The following MSI2 variants were observed in gnomAD, a reference collection of about 807,000 sequenced individuals.
The protein encoded by MSI2 is musashi RNA binding protein 2, also known as RNA-binding protein Musashi homolog 2.
Under a neutral mutation model 45.6 loss-of-function variants are expected in MSI2, and 17 were observed. The observed-to-expected ratio is 0.37, with a 90% CI of 0.26 to 0.56. MSI2 has a LOEUF of 0.56. Among genes scored for constraint, MSI2 ranks in the 20% least tolerant of loss-of-function variants. The pLI, the probability that MSI2 is intolerant of heterozygous loss-of-function variation, is 0.77. For missense variants in MSI2, 293 were observed against 444.2 expected, an observed-to-expected ratio of 0.66 and a Z score of 3.06; for synonymous variants, 156 against 158.2, an observed-to-expected ratio of 0.99 and a Z score of 0.11.
At chr17:57,622,394 A>G (rs1371053449) in intron 9 of MSI2, among the ~76,000 whole-genome samples, 1 of 152,254 alleles carries the variant, frequency 6.6e-6, no homozygotes, top group Admixed American at 6.5e-5. Flanking sequence ...TCTCTGCCAC[A>G]TAATCCCACT....
chr17:57,455,494 G>A (rs1271667025), intron 6 of MSI2, among the ~76,000 whole-genome samples: 3 of 152,282 alleles, frequency 2.0e-5, no homozygotes, highest in Non-Finnish European at 2.9e-5. Flanking sequence ...CTTGTCCACC[G>A]CTGGTTCCTA....
intron 6 of MSI2, among the ~76,000 whole-genome samples, chr17:57,422,538 A>G (rs894513186): frequency 3.2e-4 from 48 of 152,204 alleles, no homozygotes; most frequent in African/African-American, 1.1e-3. Context: ...GGTGAGGAAA[A>G]TGAGGGTCCG....
chr17:57,675,435 G>A (rs1913157276), intron 12 of MSI2, among the ~76,000 whole-genome samples: 2 of 152,202 alleles, frequency 1.3e-5, no homozygotes, highest in Admixed American at 1.3e-4. Flanking sequence ...TTCCCTGGCT[G>A]CAAAACCAGA....
chr17:57,283,794 G>A (rs1484737492), intron 5 of MSI2, among the ~76,000 whole-genome samples: 2 of 152,218 alleles, frequency 1.3e-5, no homozygotes, highest in Non-Finnish European at 2.9e-5. Flanking sequence ...GCGCACTCCC[G>A]GAAGCGTGGT....
intron 6 of MSI2, among the ~76,000 whole-genome samples, chr17:57,416,532 C>T (rs779821712): frequency 1.3e-5 from 2 of 152,192 alleles, no homozygotes; most frequent in Non-Finnish European, 2.9e-5. Flanking sequence ...GCTGCCTTCT[C>T]GTGGACTGGG....
intron 7 of MSI2, among the ~76,000 whole-genome samples, chr17:57,553,770 G>A (rs370032184): frequency 4.1e-4 from 62 of 152,316 alleles, no homozygotes; most frequent in African/African-American, 1.1e-3. Context: ...TGTTTATCGC[G>A]AGAGAGCAGT....
chr17:57,366,631 G>C (rs1298264899), intron 5 of MSI2, among the ~76,000 whole-genome samples: 1 of 152,232 alleles, frequency 6.6e-6, no homozygotes, highest in Non-Finnish European at 1.5e-5. Context: ...GGGTTGTCCT[G>C]GAACAGGAAA....
intron 8 of MSI2, among the ~76,000 whole-genome samples, chr17:57,605,039 C>T (rs1906395906): frequency 6.6e-6 from 1 of 152,178 alleles, no homozygotes; most frequent in African/African-American, 2.4e-5. Flanking sequence ...ATCATTCTCA[C>T]TCGTAAGCTA....
At chr17:57,697,194 T>G in the MSI2 span, among the ~76,000 whole-genome samples, 1 of 116,418 alleles carries the variant, frequency 8.6e-6, no homozygotes, top group African/African-American at 3.4e-5. Flanking sequence ...CACAGTCAAG[T>G]CCTCTCTCAT....
chr17:57,486,832 G>A (rs538190444), intron 6 of MSI2, among the ~76,000 whole-genome samples: 4 of 152,258 alleles, frequency 2.6e-5, no homozygotes, highest in Admixed American at 1.3e-4. Context: ...GGAGAACTTC[G>A]TTTGTCCAAA....
chr17:57,442,593 G>A (rs538216972), intron 6 of MSI2, among the ~76,000 whole-genome samples: 4 of 151,992 alleles, frequency 2.6e-5, no homozygotes, highest in East Asian at 1.9e-4. Flanking sequence ...GCCTCTCCTC[G>A]TGTGTTTCTT....
At chr17:57,402,887 TTGA>T (rs1183675996) in intron 6 of MSI2, among the ~76,000 whole-genome samples, 2 of 152,158 alleles carry the variant, frequency 1.3e-5, no homozygotes, top group African/African-American at 4.8e-5. Context: ...GCCAAGTGTG[TTGA>T]TGACTGTGTA....
chr17:57,458,999 C>T (rs926627510), intron 6 of MSI2, among the ~76,000 whole-genome samples: 21 of 152,206 alleles, frequency 1.4e-4, no homozygotes, highest in African/African-American at 4.8e-4. Flanking sequence ...TGTTTTGCTG[C>T]GTCGCTCGGA....
rs528319352 is a variant in MSI2 at position 57,670,051 on chromosome 17, C to T, written c.791-4921C>T. 8.5e-5 allele frequency among the ~76,000 whole-genome samples: 13 copies of T among 152,316 alleles called. No individual in the cohort carries two copies. In the East Asian group the frequency reaches 2.3e-3, roughly 27 times the overall value. On this transcript the variant is annotated intron_variant, in intron 11 of 13. Transcript: ENST00000284073. ...GAACTTGGTGGGCCCCTGGCTTGTTCCAAGTATGTGAACTGAGCTCATCTG... is the reference window on the plus strand; with the variant it reads ...GAACTTGGTGGGCCCCTGGCTTGTTTCAAGTATGTGAACTGAGCTCATCTG...
chr17:57,420,406 CTCTG>C (rs1242484589), intron 6 of MSI2, among the ~76,000 whole-genome samples: 7 of 152,178 alleles, frequency 4.6e-5, no homozygotes, highest in African/African-American at 1.7e-4. Context: ...GAGCCTTTGT[CTCTG>C]TCTGAGTCAG....
chr17:57,508,267 A>G (rs1224945886), intron 6 of MSI2, among the ~76,000 whole-genome samples: 1 of 152,014 alleles, frequency 6.6e-6, no homozygotes, highest in East Asian at 1.9e-4. Flanking sequence ...CACACACTGC[A>G]ACCACACCAC....
At chr17:57,631,431 T>C (rs1320515791) in intron 10 of MSI2, 1 of 221,976 alleles carries the variant, frequency 4.5e-6, no homozygotes, top group Non-Finnish European at 8.8e-6. Context: ...ATTCTCACCA[T>C]GTGACATGGG....
At chr17:57,559,127 C>T (rs982375797) in intron 7 of MSI2, among the ~76,000 whole-genome samples, 1 of 152,148 alleles carries the variant, frequency 6.6e-6, no homozygotes, top group Admixed American at 6.5e-5. Context: ...TTCTCCAAAT[C>T]AGAACCACAA....
At chr17:57,279,284 C>G (rs1318769509) in intron 5 of MSI2, 1 of 152,292 alleles carries the variant, frequency 6.6e-6, no homozygotes, top group Non-Finnish European at 1.5e-5. Context: ...GGACTATAGC[C>G]GTGCACAGGA....
Sources: gnomAD v4.1 joint callset for allele counts (sites outside exome capture counted in the v4.1 genomes callset) on GRCh38, gnomAD v4.1.1 for gene constraint, MANE v1.5 for transcripts, NCBI Gene and HGNC (gene_info 2026-07-23, HGNC 2026-07-21) for gene names.